PDE10A: variants seen among roughly 807,000 people sequenced by gnomAD.
PDE10A encodes cAMP and cAMP-inhibited cGMP 3',5'-cyclic phosphodiesterase 10A.
A neutral mutation model predicts 97.7 loss-of-function variants in PDE10A; 39 were observed. That is an observed-to-expected ratio of 0.40 (90% CI 0.31 to 0.52). PDE10A has a LOEUF of 0.52. Among genes scored for constraint, PDE10A ranks in the 20% least tolerant of loss-of-function variants. The pLI, the probability that PDE10A is intolerant of heterozygous loss-of-function variation, is 0.56. For synonymous variants in PDE10A, 371 were observed against 376.8 expected (o/e 0.98, Z 0.18); for missense variants, 731 against 1,047.8 (o/e 0.70, Z 4.17).
At chr6:165,900,413 A>C (rs143738557) in intron 1 of PDE10A, among the ~76,000 whole-genome samples, 2,056 of 152,218 alleles carry the variant, frequency 0.014, 37 homozygotes, top group African/African-American at 0.045. Context: ...TGGAGGTTGC[A>C]GTGAGCTGAG....
intron 1 of PDE10A, among the ~76,000 whole-genome samples, chr6:165,654,955 G>A (rs1385653575): frequency 6.6e-6 from 1 of 152,072 alleles, no homozygotes; most frequent in South Asian, 2.1e-4. Context: ...CCTATCCTCC[G>A]ACTTCTGCTC....
intron 21 of PDE10A, among the ~76,000 whole-genome samples, chr6:165,335,185 T>A (rs1781575582): frequency 6.6e-6 from 1 of 152,200 alleles, no homozygotes; most frequent in African/African-American, 2.4e-5. Flanking sequence ...AGGATAAGAA[T>A]GGAATAGGGA....
chr6:165,339,450 T>A, intron 19 of PDE10A, 92 bp from the exon 20 acceptor site: 2 of 822,574 alleles, frequency 2.4e-6, no homozygotes, highest in South Asian at 3.0e-5. Flanking sequence ...ATTCCTTAAT[T>A]TTCTTCAAAA....
chr6:165,729,824 A>G (rs1173170076), intron 1 of PDE10A, among the ~76,000 whole-genome samples: 1 of 152,190 alleles, frequency 6.6e-6, no homozygotes, highest in Non-Finnish European at 1.5e-5. Flanking sequence ...AAAGGGAAGA[A>G]CCAGACTAGC....
intron 1 of PDE10A, among the ~76,000 whole-genome samples, chr6:165,825,706 C>T (rs933950684): frequency 3.3e-5 from 5 of 152,214 alleles, no homozygotes; most frequent in African/African-American, 9.7e-5. Context: ...CCAGCCATGG[C>T]TCCTGTGCCT....
intron 6 of PDE10A, among the ~76,000 whole-genome samples, chr6:165,434,241 CCTT>C (rs1000287581): frequency 2.0e-5 from 3 of 151,928 alleles, no homozygotes; most frequent in Admixed American, 6.6e-5. Flanking sequence ...CATGGGCCCT[CCTT>C]CTCTCCTTCC....
intron 1 of PDE10A, among the ~76,000 whole-genome samples, chr6:165,694,435 C>T (rs762810580): frequency 1.3e-5 from 2 of 152,314 alleles, no homozygotes; most frequent in South Asian, 2.1e-4. Flanking sequence ...GGCAGAGCAG[C>T]GGTCAGATGC....
chr6:165,428,787 G>T, intron 9 of PDE10A, 78 bp from the exon 10 acceptor site: 4 of 568,164 alleles, frequency 7.0e-6, no homozygotes, highest in South Asian at 2.5e-5. Flanking sequence ...TCATTTCCTG[G>T]TTTTGTCTAC....
At chr6:165,608,080 A>G (rs1181473157) in intron 1 of PDE10A, among the ~76,000 whole-genome samples, 2 of 136,212 alleles carry the variant, frequency 1.5e-5, no homozygotes, top group African/African-American at 6.8e-5. Flanking sequence ...ATATGTATAT[A>G]TGTATATATA....
chr6:165,851,705 G>T (rs1780577670), intron 1 of PDE10A, among the ~76,000 whole-genome samples: 1 of 152,090 alleles, frequency 6.6e-6, no homozygotes, highest in African/African-American at 2.4e-5. Context: ...GGGAGAGTGG[G>T]GTAGTCCATA....
rs182959087 is a variant in PDE10A, at chr6:165,987,315, T to C, written c.-615+214A>G. On this transcript the variant is annotated intron_variant, in intron 1 of 19. Coordinates refer to the PDE10A transcript ENST00000366882. Reference sequence around the variant, plus strand: ...TTCGGCTTTATATACTCCCTTTTCTTCTTTCTCGAGTCCACTCATCACCCT... The same window carrying C: ...TTCGGCTTTATATACTCCCTTTTCTCCTTTCTCGAGTCCACTCATCACCCT... Among the ~76,000 whole-genome samples, 45 of 152,210 alleles carry C rather than the reference T, an allele frequency of 3.0e-4. No individual in the cohort carries two copies. The East Asian group carries it at 7.7e-3, about 26-fold the overall frequency.
chr6:165,435,594 T>C (rs569614770), intron 5 of PDE10A, among the ~76,000 whole-genome samples: 38 of 152,302 alleles, frequency 2.5e-4, no homozygotes, highest in African/African-American at 7.9e-4. Context: ...AATTTAAAAC[T>C]TAAATGAATG....
rs1200185970 is a variant in PDE10A at position 165,390,239 on chromosome 6, G to A, written c.2455-1786C>T. Among the ~76,000 whole-genome samples the A allele has an allele frequency of 2.0e-5, 3 of 152,196 alleles. No homozygotes were observed. In the East Asian group the frequency reaches 5.8e-4, roughly 29 times the overall value. ...GAAAACCAAGAGTGCCGAATGTCCC[G>A]GGATTCGATTGAAGACACTGAGCAC... is the stretch of plus-strand genomic sequence containing the variant. On this transcript the variant is annotated intron_variant, in intron 16 of 21. Coordinates refer to ENST00000539869, the MANE Select transcript of PDE10A (RefSeq NM_001385079.1).
intron 17 of PDE10A, 83 bp from the exon 18 acceptor site, chr6:165,379,449 T>C (rs944348190): frequency 9.0e-6 from 10 of 1,106,324 alleles, no homozygotes; most frequent in Middle Eastern, 2.1e-4. Context: ...TGAAACTATA[T>C]AGTCAGTCAA....
chr6:165,725,213 G>A (rs544523182), intron 1 of PDE10A, among the ~76,000 whole-genome samples: 6 of 152,250 alleles, frequency 3.9e-5, no homozygotes, highest in African/African-American at 1.2e-4. Context: ...TGTGTGATCC[G>A]ATTTTTCTGG....
At chr6:165,822,547 C>A (rs974070621) in intron 1 of PDE10A, among the ~76,000 whole-genome samples, 1 of 151,956 alleles carries the variant, frequency 6.6e-6, no homozygotes, top group East Asian at 1.9e-4. Context: ...ATACTTCAGG[C>A]AGTTGTAACA....
At chr6:165,579,133 T>C (rs9885846) in intron 1 of PDE10A, among the ~76,000 whole-genome samples, 90,954 of 152,102 alleles carry the variant, frequency 0.6, 31,595 homozygotes, top group Non-Finnish European at 0.78. Flanking sequence ...AAGTGAAGGA[T>C]AGCTGCTCAG....
chr6:165,595,555 T>C (rs565457942), intron 1 of PDE10A, among the ~76,000 whole-genome samples: 2 of 152,356 alleles, frequency 1.3e-5, no homozygotes, highest in South Asian at 4.1e-4. Context: ...TTAATCAACT[T>C]ACACCCAGAC....
At chr6:165,632,938 T>C (rs1255949418) in intron 1 of PDE10A, among the ~76,000 whole-genome samples, 1 of 152,012 alleles carries the variant, frequency 6.6e-6, no homozygotes, top group Non-Finnish European at 1.5e-5. Context: ...TCACAAGGCG[T>C]CCCTCCCAAT....
Sources: allele counts gnomAD v4.1 joint callset (sites outside exome capture counted in the v4.1 genomes callset), GRCh38; gene constraint gnomAD v4.1.1; transcripts MANE v1.5; gene names NCBI Gene and HGNC (gene_info 2026-07-23, HGNC 2026-07-21).